SGCD: variants seen among roughly 807,000 people sequenced by gnomAD.
The protein encoded by SGCD is delta-sarcoglycan.
SGCD carries 18 observed loss-of-function variants against 36.6 expected under a neutral mutation model. The ratio of observed to expected loss-of-function variants is 0.49; its 90% CI spans 0.34 to 0.73. The LOEUF (loss-of-function observed/expected upper bound fraction) is 0.73, where lower values mean the gene tolerates loss of function less well. Among genes scored for constraint, SGCD ranks in the 30% least tolerant of loss-of-function variants. SGCD has a pLI of 0.01. For missense variants in SGCD, 387 were observed against 346.7 expected, an observed-to-expected ratio of 1.12 and a Z score of -0.92; for synonymous variants, 133 against 130.6, an observed-to-expected ratio of 1.02 and a Z score of -0.12.
rs999436483 is a variant in SGCD, at chr5:156,036,789, T to C, written c.-281-81089T>C. 9.2e-5 allele frequency among the ~76,000 whole-genome samples: 14 copies of C among 152,318 alleles called. No individual in the cohort carries two copies. In the East Asian group the frequency reaches 2.5e-3, roughly 27 times the overall value. On this transcript the variant is annotated intron_variant, in intron 1 of 9. Coordinates refer to the SGCD transcript ENST00000517913. ...CTGGTAGGTTCCTAAGAGTGGCTCA[T>C]ACTCTGTGTTAAGATTTGGAACCAA...
chr5:156,357,401 G>A (rs1030410240), intron 3 of SGCD, among the ~76,000 whole-genome samples: 4 of 152,150 alleles, frequency 2.6e-5, no homozygotes, highest in African/African-American at 7.2e-5. Flanking sequence ...AAAACATTTA[G>A]TGTCAAAAAG....
chr5:155,835,050 C>CAGGCT, the SGCD span, among the ~76,000 whole-genome samples: 1 of 121,224 alleles, frequency 8.2e-6, no homozygotes, highest in East Asian at 2.9e-4. Context: ...CTCTGTCACC[C>CAGGCT]AGGCTAGAGA....
intron 3 of SGCD, among the ~76,000 whole-genome samples, chr5:156,266,244 G>T (rs527849300): frequency 6.6e-6 from 1 of 152,154 alleles, no homozygotes; most frequent in East Asian, 1.9e-4. Context: ...TGTGGCTTAC[G>T]CCAAAAATGT....
chr5:156,648,016 T>C (rs1763297302), intron 7 of SGCD, among the ~76,000 whole-genome samples: 3 of 152,170 alleles, frequency 2.0e-5, no homozygotes, highest in African/African-American at 7.2e-5. Context: ...TATTCATAAA[T>C]GTGCTGCCTT....
At chr5:156,527,193 T>C (rs1256813432) in intron 4 of SGCD, among the ~76,000 whole-genome samples, 1 of 152,174 alleles carries the variant, frequency 6.6e-6, no homozygotes, top group East Asian at 1.9e-4. Flanking sequence ...TTCACTGATG[T>C]ACAAACACAT....
chr5:156,231,342 C>T (rs535176467), intron 3 of SGCD, among the ~76,000 whole-genome samples: 2 of 152,130 alleles, frequency 1.3e-5, no homozygotes, highest in Non-Finnish European at 2.9e-5. Context: ...CGCAAGAAGC[C>T]TGGCCAACAT....
At chr5:156,185,772 T>C (rs978491586) in intron 3 of SGCD, among the ~76,000 whole-genome samples, 3 of 149,648 alleles carry the variant, frequency 2.0e-5, no homozygotes, top group Non-Finnish European at 4.4e-5. Context: ...TGTGAGACTT[T>C]TAAAAACAGT....
intron 3 of SGCD, among the ~76,000 whole-genome samples, chr5:156,129,468 C>G (rs1762257682): frequency 6.6e-6 from 1 of 152,214 alleles, no homozygotes. Flanking sequence ...GCATAAGTGC[C>G]TATGACCCCA....
chr5:156,069,105 T>C (rs1760444921), intron 1 of SGCD, among the ~76,000 whole-genome samples: 1 of 152,190 alleles, frequency 6.6e-6, no homozygotes, highest in South Asian at 2.1e-4. Flanking sequence ...TTTCTTTTGC[T>C]GTGCAGAAGC....
intron 1 of SGCD, among the ~76,000 whole-genome samples, chr5:155,990,947 T>G (rs1376242076): frequency 6.6e-6 from 1 of 152,174 alleles, no homozygotes; most frequent in African/African-American, 2.4e-5. Context: ...AGTCAGCCAT[T>G]CTCAATCCTG....
intron 1 of SGCD, among the ~76,000 whole-genome samples, chr5:155,943,373 T>C (rs1757372310): frequency 1.3e-5 from 2 of 152,186 alleles, no homozygotes. Context: ...ATTTAATTAC[T>C]ACATTAATTA....
At chr5:156,160,211 A>G (rs1763057739) in intron 3 of SGCD, among the ~76,000 whole-genome samples, 1 of 151,668 alleles carries the variant, frequency 6.6e-6, no homozygotes, top group South Asian at 2.1e-4. Flanking sequence ...CTTAAGCTAC[A>G]TTATTAAGAG....
At chr5:156,408,867 G>T (rs1171148362) in intron 3 of SGCD, among the ~76,000 whole-genome samples, 1 of 152,078 alleles carries the variant, frequency 6.6e-6, no homozygotes, top group Non-Finnish European at 1.5e-5. Flanking sequence ...GTGACTTTAG[G>T]CAAGTCCCTG....
intron 3 of SGCD, among the ~76,000 whole-genome samples, chr5:156,495,343 G>C (rs78192779): frequency 0.019 from 2,853 of 152,256 alleles, 32 homozygotes; most frequent in Non-Finnish European, 0.031. Context: ...TAATAGGTAA[G>C]ACAGCGCTAG....
chr5:156,736,362 C>CAAAG (rs1176623324), intron 7 of SGCD, among the ~76,000 whole-genome samples: 1 of 152,158 alleles, frequency 6.6e-6, no homozygotes, highest in Non-Finnish European at 1.5e-5. Context: ...ATATTTTACC[C>CAAAG]AAAGATTTGG....
chr5:156,495,637 A>G (rs1756150476), intron 3 of SGCD, among the ~76,000 whole-genome samples: 1 of 152,138 alleles, frequency 6.6e-6, no homozygotes, highest in Non-Finnish European at 1.5e-5. Flanking sequence ...TACTGGTGGG[A>G]AGCACTCACC....
intron 1 of SGCD, among the ~76,000 whole-genome samples, chr5:155,995,308 A>G (rs1041729538): frequency 6.6e-6 from 1 of 152,206 alleles, no homozygotes; most frequent in Non-Finnish European, 1.5e-5. Flanking sequence ...TTAAAGAGCA[A>G]GCATTATAAA....
At chr5:155,846,376 C>G in the SGCD span, among the ~76,000 whole-genome samples, 1 of 152,120 alleles carries the variant, frequency 6.6e-6, no homozygotes, top group Non-Finnish European at 1.5e-5. Context: ...ATATAGATGT[C>G]GAACAATTAG....
chr5:156,620,194 T>G (rs941152937), intron 6 of SGCD, among the ~76,000 whole-genome samples: 3 of 152,204 alleles, frequency 2.0e-5, no homozygotes, highest in African/African-American at 7.2e-5. Context: ...AAAACAGGGT[T>G]AATAAGAGCA....
Sources: gnomAD v4.1 joint callset for allele counts (sites outside exome capture counted in the v4.1 genomes callset) on GRCh38, gnomAD v4.1.1 for gene constraint, MANE v1.5 for transcripts, NCBI Gene and HGNC (gene_info 2026-07-23, HGNC 2026-07-21) for gene names.